The following KRT24 variants were observed in gnomAD, a reference collection of about 807,000 sequenced individuals.
KRT24 encodes the protein keratin 24, also known as keratin, type I cytoskeletal 24.
In KRT24, 44 loss-of-function variants were observed where a neutral mutation model predicts 51.7. The observed-to-expected ratio is 0.85, with a 90% CI of 0.67 to 1.09. The LOEUF (loss-of-function observed/expected upper bound fraction) is 1.09, where lower values mean the gene tolerates loss of function less well. KRT24 is among the 50% of genes least tolerant of loss of function. The pLI is 0.00. For synonymous variants in KRT24, 241 were observed against 249.5 expected (o/e 0.97, Z 0.32); for missense variants, 633 against 647.0 (o/e 0.98, Z 0.24).
At chr17:40,698,936 G>A (rs997764042) in intron 6 of KRT24, among the ~76,000 whole-genome samples, 1 of 150,912 alleles carries the variant, frequency 6.6e-6, no homozygotes, top group African/African-American at 2.4e-5. Flanking sequence ...GAGTATAGTG[G>A]CATGATTACA....
intron 2 of KRT24, among the ~76,000 whole-genome samples, 164 bp downstream of exon 2, chr17:40,701,687 C>G (rs1449399680): frequency 8.1e-5 from 11 of 136,204 alleles, no homozygotes; most frequent in Non-Finnish European, 1.4e-4. Flanking sequence ...AAAGTTTACC[C>G]TTGGGATGTT....
chr17:40,700,187 G>C (rs2037659235), intron 4 of KRT24, 35 bp downstream of exon 4: 1 of 1,613,748 alleles, frequency 6.2e-7, no homozygotes, highest in Non-Finnish European at 8.5e-7. Context: ...CTTGTGTGTG[G>C]CTACTGGCTT....
rs746392993 is a variant in KRT24 at position 40,703,137 on chromosome 17, C to T, written c.557G>A (p.Gly186Asp). ...YDKYGPGSGDGGSGRDYSKYY... is the reference protein window; with the variant it reads ...YDKYGPGSGDDGSGRDYSKYY... Reference sequence around the variant, plus strand: ...TTTGCTATAATCTCTTCCCGATCCACCGTCTCCAGACCCAGGCCCATATTT... The same window carrying T: ...TTTGCTATAATCTCTTCCCGATCCATCGTCTCCAGACCCAGGCCCATATTT... Residue 186 changes from glycine to aspartate, a missense_variant, in exon 1 of 8, where the codon GGT (glycine) becomes GAT (aspartate). Gly to Asp is a moderately conservative substitution (Grantham distance 94). Coordinates refer to ENST00000264651, the MANE Select transcript of KRT24 (RefSeq NM_019016.3). 6 of 1,613,834 alleles carry T rather than the reference C, an allele frequency of 3.7e-6. No individual in the cohort carries two copies. Among genetic ancestry groups the T allele is most frequent in the Non-Finnish European group, 5.1e-6 (6 of 1,179,936 alleles).
At chr17:40,698,875 A>ATT (rs11315622) in intron 6 of KRT24, among the ~76,000 whole-genome samples, 17 of 130,958 alleles carry the variant, frequency 1.3e-4, no homozygotes, top group African/African-American at 3.2e-4. Context: ...TGCCCAGCTA[A>ATT]TTTTTTTTTT....
In KRT24 at chr17:40,698,501, A is replaced by C. The variant is rs766570256; in HGVS notation, c.1474+37T>G. On this transcript the variant is annotated intron_variant, in intron 7 of 7. Transcript: ENST00000264651. Reference sequence around the variant, plus strand: ...CAAGCAAAGTATGTCTTCACTTTTAAATTACAGAACTATTATCAATATTAA... The same window carrying C: ...CAAGCAAAGTATGTCTTCACTTTTACATTACAGAACTATTATCAATATTAA... The C allele has an allele frequency of 4.6e-6, 6 of 1,299,130 alleles. No individual in the cohort carries two copies. The African/African-American group carries it at 8.9e-5, about 19-fold the overall frequency. 80.5% of individuals were successfully genotyped at this position (1,299,130 alleles called of 1,614,324 possible).
intron 7 of KRT24, 52 bp from the exon 8 acceptor site, chr17:40,698,392 G>A (rs2037632638): frequency 1.5e-6 from 2 of 1,301,508 alleles, no homozygotes; most frequent in Non-Finnish European, 2.2e-6. Context: ...CAGAAACACA[G>A]AGCAAGAGAA....
intron 1 of KRT24, 117 bp downstream of exon 1, chr17:40,702,962 A>G (rs950372540): frequency 2.6e-5 from 27 of 1,049,494 alleles, no homozygotes; most frequent in Non-Finnish European, 3.3e-5. Context: ...CCCACTTTGC[A>G]TATGTAACAA....
Position 40,703,388 on chromosome 17 carries a change from A to T in KRT24, c.306T>A (p.Gly102=). ...SFGGVSGFGR[G]SGFCGSSRFS... is the part of the protein sequence containing the mutation. ...ATCTAGAACTCCCACAGAATCCAGA[A>T]CCCCTGCCAAATCCAGAGACCCCGC... Residue 102 remains glycine (G), a synonymous_variant, in exon 1 of 8, where the codon GGT becomes GGA. Transcript: ENST00000264651. 6.2e-7 allele frequency: 1 copy of T among 1,612,592 alleles called. No homozygotes were observed. The highest frequency in any genetic ancestry group is 8.5e-7 in the Non-Finnish European group (1 of 1,178,848).
In KRT24 at chr17:40,703,712, A is replaced by C. The variant is rs1159499374; in HGVS notation, c.-19T>G. On this transcript the variant is annotated 5_prime_UTR_variant, in exon 1 of 8. Coordinates refer to ENST00000264651, the MANE Select transcript of KRT24 (RefSeq NM_019016.3). The stretch of plus-strand genomic sequence containing the variant: ...AAGACATGGTGCTCCTGCAAACATG[A>C]GCTTGTCCAGGCGAATAGGAGAGGT... The C allele has an allele frequency of 6.5e-7, 1 of 1,536,688 alleles. No individual in the cohort carries two copies. The highest frequency in any genetic ancestry group is 2.3e-5 in the East Asian group (1 of 44,188).
Position 40,701,290 on chromosome 17 carries a change from C to G in KRT24, c.705G>C (p.Glu235Asp), listed in dbSNP as rs1346681088. 2 of 1,612,904 alleles carry G rather than the reference C, an allele frequency of 1.2e-6. No individual in the cohort carries two copies. The highest frequency in any genetic ancestry group is 3.3e-5 in the Admixed American group (2 of 59,846). Residue 235 changes from glutamate (E) to aspartate (D), a missense_variant, in exon 3 of 8, where the codon GAG becomes GAC. Coordinates refer to ENST00000264651, the MANE Select transcript of KRT24 (RefSeq NM_019016.3). ...CGCTCTGCCGGAGACACAGCTCGTTCTCATACCTGGAAGGGGCAGCAGTAA... is the reference window on the plus strand; with the variant it reads ...CGCTCTGCCGGAGACACAGCTCGTTGTCATACCTGGAAGGGGCAGCAGTAA... ...LAADDFRLKY[E>D]NELCLRQSVE... is the part of the protein sequence containing the mutation.
chr17:40,698,436 G>T (rs968313802), intron 7 of KRT24, 96 bp from the exon 8 acceptor site: 10 of 1,115,850 alleles, frequency 9.0e-6, no homozygotes, highest in African/African-American at 7.8e-5. Flanking sequence ...GTTCTGTCTG[G>T]GTAAGATTAT....
chr17:40,702,182 C>T (rs2037691781), intron 1 of KRT24, among the ~76,000 whole-genome samples: 1 of 151,968 alleles, frequency 6.6e-6, no homozygotes, highest in Admixed American at 6.6e-5. Flanking sequence ...CAGGGGCGTG[C>T]CACTATGCCC....
Position 40,703,214 on chromosome 17 carries a change from G to A in KRT24, c.480C>T (p.Ala160=). 2 of 1,613,946 alleles carry A rather than the reference G, an allele frequency of 1.2e-6. No individual in the cohort carries two copies. The highest frequency in any genetic ancestry group is 1.7e-6 in the Non-Finnish European group (2 of 1,179,970). ...CCAGATCAGTGTTAGCCTCCTCCAG[G>A]GCTCTGACCTTGTCTAGGTAATTGG... ...RLANYLDKVR[A]LEEANTDLEN... The change falls in exon 1 of 8, where the codon GCC becomes GCT. Residue 160 remains alanine, a synonymous_variant. Transcript: ENST00000264651.
Position 40,701,896 on chromosome 17 carries a change from A to G in KRT24, c.653T>C (p.Leu218Ser). The G allele has an allele frequency of 3.2e-6, 5 of 1,550,982 alleles. No individual in the cohort carries two copies. The highest frequency in any genetic ancestry group is 4.4e-6 in the Non-Finnish European group (5 of 1,142,004). The change falls in exon 2 of 8, where the codon TTG becomes TCG. Residue 218 changes from leucine (L) to serine (S), a missense_variant. Transcript: ENST00000264651. ...AATVENAGII[L>S]HIDNARLAAD... ...AGCCAATCTGGCATTGTCAATGTGC[A>G]AAATGATCCCAGCATTTTCAACAGT... is the stretch of plus-strand genomic sequence containing the variant.
chr17:40,699,998 C>T lies in KRT24; in HGVS notation c.1143G>A (p.Met381Ile), dbSNP rs375745897. 6.6e-5 allele frequency: 106 copies of T among 1,613,952 alleles called. No individual in the cohort carries two copies. The highest frequency in any genetic ancestry group is 1.7e-4 in the Middle Eastern group (1 of 6,024). Residue 381 changes from methionine (M) to isoleucine (I), a missense_variant and splice_region_variant, in exon 5 of 8, where the codon ATG becomes ATA. Coordinates refer to ENST00000264651, the MANE Select transcript of KRT24 (RefSeq NM_019016.3). Reference protein sequence around the residue: ...LEIELQSQLAMKSSLEGTLAD... With the variant: ...LEIELQSQLAIKSSLEGTLAD... ...AATGTGAAAAGCTATTTGCACATAC[C>T]ATGGCCAGTTGGGACTGAAGCTCAA...
intron 6 of KRT24, among the ~76,000 whole-genome samples, chr17:40,699,033 C>A (rs138385233): frequency 2.0e-5 from 3 of 152,036 alleles, no homozygotes; most frequent in Non-Finnish European, 2.9e-5. Flanking sequence ...TGTGCCACCA[C>A]GCCTGGCTAA....
chr17:40,701,892 G>T lies in KRT24; in HGVS notation c.657C>A (p.His219Gln). 2 of 1,548,510 alleles carry T rather than the reference G, an allele frequency of 1.3e-6. No homozygotes were observed. The highest frequency in any genetic ancestry group is 1.8e-6 in the Non-Finnish European group (2 of 1,140,844). ...CAGCAGCCAATCTGGCATTGTCAAT[G>T]TGCAAAATGATCCCAGCATTTTCAA... The part of the protein sequence containing the change: ...ATVENAGIIL[H>Q]IDNARLAADD... The change falls in exon 2 of 8, where the codon CAC becomes CAA. Residue 219 changes from histidine (H) to glutamine (Q), a missense_variant. His to Gln is a conservative substitution (Grantham distance 24, BLOSUM62 0). Coordinates refer to ENST00000264651, the MANE Select transcript of KRT24 (RefSeq NM_019016.3).
At chr17:40,699,175 C>T (rs2037644162) in intron 6 of KRT24, among the ~76,000 whole-genome samples, 1 of 152,104 alleles carries the variant, frequency 6.6e-6, no homozygotes. Context: ...CTGTGCCCAG[C>T]CTCCAGCTAA....
rs36205605 is a variant in KRT24, at chr17:40,701,723, GTATATA to G, written c.698+122_698+127del. 244 of 38,090 alleles carry G rather than the reference GTATATA, an allele frequency of 6.4e-3. 1 individual carries two copies. Among genetic ancestry groups the G allele is most frequent in the Non-Finnish European group, 0.011 (166 of 15,644 alleles). The allele number at this position is 38,090 out of a possible 1,614,324, so 2.4% of individuals were successfully genotyped here. A position where few individuals can be genotyped will look rare whatever the true frequency, so the allele number is the denominator to read the frequency against. On this transcript the variant is annotated intron_variant, in intron 2 of 7. Coordinates refer to ENST00000264651, the MANE Select transcript of KRT24 (RefSeq NM_019016.3). ...TGTAAATTTAGGTCATGATCCTCTA[GTATATA>G]TATATATATATATATATATATATAT... is the stretch of plus-strand genomic sequence containing the variant.
Sources: gnomAD v4.1 joint callset for allele counts (sites outside exome capture counted in the v4.1 genomes callset) on GRCh38, gnomAD v4.1.1 for gene constraint, MANE v1.5 for transcripts, NCBI Gene and HGNC (gene_info 2026-07-23, HGNC 2026-07-21) for gene names.